Variants in KIAA0232 observed in about 807,000 individuals in gnomAD.
The protein encoded by KIAA0232 is uncharacterized protein KIAA0232.
KIAA0232 carries 27 observed loss-of-function variants against 122.0 expected under a neutral mutation model. That is an observed-to-expected ratio of 0.22 (90% confidence interval 0.16 to 0.31). The LOEUF (loss-of-function observed/expected upper bound fraction) is 0.31. Ranked by LOEUF, KIAA0232 falls within the 10% of genes least tolerant of loss-of-function variation. The pLI is 1.00. For missense variants in KIAA0232, 1,551 were observed against 1,634.2 expected (o/e 0.95, Z 0.88); for synonymous variants, 613 against 587.6 (o/e 1.04, Z -0.63).
chr4:6,879,712 G>A (rs1721951162), intron 9 of KIAA0232, among the ~76,000 whole-genome samples: 1 of 151,230 alleles, frequency 6.6e-6, no homozygotes, highest in African/African-American at 2.4e-5. Flanking sequence ...ACCATCTGGT[G>A]TAGGGGAGAC....
intron 1 of KIAA0232, among the ~76,000 whole-genome samples, chr4:6,794,760 G>C (rs1398354934): frequency 6.6e-6 from 1 of 152,182 alleles, no homozygotes; most frequent in African/African-American, 2.4e-5. Flanking sequence ...CGAGATGTGG[G>C]ATGTGCGAGG....
intron 2 of KIAA0232, among the ~76,000 whole-genome samples, chr4:6,819,642 A>C (rs1314291498): frequency 1.3e-5 from 2 of 152,194 alleles, no homozygotes; most frequent in African/African-American, 4.8e-5. Flanking sequence ...ACACTCATGC[A>C]CTGTTGGTGG....
At chr4:6,860,453 G>A (rs1720793778) in intron 6 of KIAA0232, among the ~76,000 whole-genome samples, 1 of 152,164 alleles carries the variant, frequency 6.6e-6, no homozygotes, top group African/African-American at 2.4e-5. Context: ...ACTTTGGGAG[G>A]TAAGTCATAG....
chr4:6,824,720 TTGTATC>T, intron 3 of KIAA0232, 36 bp downstream of exon 3: 3 of 1,547,286 alleles, frequency 1.9e-6, no homozygotes, highest in Non-Finnish European at 2.7e-6. Flanking sequence ...TGAAAACTGA[TTGTATC>T]TGTATGTATA....
In KIAA0232 at chr4:6,876,735, A is replaced by G; in HGVS notation, c.3986A>G (p.Glu1329Gly). The G allele has an allele frequency of 6.2e-7, 1 of 1,611,788 alleles. No individual in the cohort carries two copies. Among genetic ancestry groups the G allele is most frequent in the Non-Finnish European group, 8.5e-7 (1 of 1,177,908 alleles). ...PDAKETPSNEERLLDFNRVSS... is the reference protein window; with the variant it reads ...PDAKETPSNEGRLLDFNRVSS... ...GCTAAAGAGACACCCAGTAATGAAGAGCGCCTGTTAGATTTTAATAGGGTA... is the reference window on the plus strand; with the variant it reads ...GCTAAAGAGACACCCAGTAATGAAGGGCGCCTGTTAGATTTTAATAGGGTA... The change falls in exon 9 of 10, where the codon GAG becomes GGG. Residue 1329 changes from glutamate (E) to glycine (G), a missense_variant. By Grantham distance (98) the Glu-to-Gly change is moderately conservative. Coordinates refer to ENST00000307659, the MANE Select transcript of KIAA0232 (RefSeq NM_014743.3).
At chr4:6,869,835 A>G (rs1721376665) in intron 7 of KIAA0232, among the ~76,000 whole-genome samples, 1 of 152,256 alleles carries the variant, frequency 6.6e-6, no homozygotes, top group South Asian at 2.1e-4. Context: ...TAGGAAACTG[A>G]TGAAAAATTT....
chr4:6,808,189 G>A (rs374095374), intron 2 of KIAA0232, among the ~76,000 whole-genome samples: 88 of 152,154 alleles, frequency 5.8e-4, no homozygotes, highest in Middle Eastern at 3.4e-3. Context: ...AAAAGTAATA[G>A]AGTCCAAAAG....
rs545710120 is a variant in KIAA0232 at position 6,792,239 on chromosome 4, C to T, written c.-354+9398C>T. 9.2e-5 allele frequency among the ~76,000 whole-genome samples: 14 copies of T among 152,180 alleles called. No homozygotes were observed. The South Asian group carries it at 1.5e-3, about 16-fold the overall frequency. ...CTTTTTTTAATATGCCTAGTATTAC[C>T]TTGTGTGAAGGTGCCTGAATTTATT... On this transcript the variant is annotated intron_variant, in intron 1 of 9. Coordinates refer to ENST00000307659, the MANE Select transcript of KIAA0232 (RefSeq NM_014743.3).
intron 2 of KIAA0232, among the ~76,000 whole-genome samples, chr4:6,806,758 A>G (rs1023182447): frequency 6.6e-6 from 1 of 151,236 alleles, no homozygotes; most frequent in Admixed American, 6.6e-5. Flanking sequence ...AAAAAAAAAA[A>G]AAAAAGAATT....
At chr4:6,828,250 T>C (rs1032314803) in intron 3 of KIAA0232, among the ~76,000 whole-genome samples, 1 of 152,212 alleles carries the variant, frequency 6.6e-6, no homozygotes, top group African/African-American at 2.4e-5. Flanking sequence ...GGGGTTTACC[T>C]GTAGTCCCAG....
intron 7 of KIAA0232, among the ~76,000 whole-genome samples, chr4:6,865,116 G>A (rs1721101115): frequency 6.6e-6 from 1 of 152,178 alleles, no homozygotes; most frequent in South Asian, 2.1e-4. Context: ...GTTAATGAGA[G>A]TCATTGTACC....
At chr4:6,796,107 A>G (rs1050791369) in intron 1 of KIAA0232, among the ~76,000 whole-genome samples, 1 of 152,208 alleles carries the variant, frequency 6.6e-6, no homozygotes, top group Non-Finnish European at 1.5e-5. Flanking sequence ...AAATTTGATT[A>G]GAACTTGAGT....
chr4:6,865,610 G>GA, intron 7 of KIAA0232, among the ~76,000 whole-genome samples: 1 of 152,014 alleles, frequency 6.6e-6, no homozygotes. Flanking sequence ...CCAGCTTATT[G>GA]AAAAAAAGAG....
At chr4:6,844,213 T>C (rs534836854) in intron 4 of KIAA0232, among the ~76,000 whole-genome samples, 4 of 152,058 alleles carry the variant, frequency 2.6e-5, no homozygotes, top group Non-Finnish European at 5.9e-5. Flanking sequence ...GTGCTGGGAT[T>C]ACAGGCGTGA....
rs533374047 is a variant in KIAA0232 at position 6,807,961 on chromosome 4, G to A, written c.-270+3355G>A. 4.1e-4 allele frequency among the ~76,000 whole-genome samples: 63 copies of A among 152,264 alleles called. 3 individuals are homozygous for A. The South Asian group carries it at 0.013, about 32-fold the overall frequency. ...TGTGCACCTGTAGTCCCAGCTACTCGGGTGGCTGAGGCAGGAGAATCCCTT... is the reference window on the plus strand; with the variant it reads ...TGTGCACCTGTAGTCCCAGCTACTCAGGTGGCTGAGGCAGGAGAATCCCTT... On this transcript the variant is annotated intron_variant, in intron 2 of 9. Transcript: ENST00000307659.
At chr4:6,807,709 T>G (rs777981698) in intron 2 of KIAA0232, among the ~76,000 whole-genome samples, 9 of 152,216 alleles carry the variant, frequency 5.9e-5, no homozygotes, top group Non-Finnish European at 1.0e-4. Context: ...TAGATTGGCT[T>G]TGGAGCCAGG....
intron 3 of KIAA0232, among the ~76,000 whole-genome samples, chr4:6,833,784 C>T (rs1719120257): frequency 6.6e-6 from 1 of 152,096 alleles, no homozygotes; most frequent in African/African-American, 2.4e-5. Flanking sequence ...CTGGATAATT[C>T]ATGAAGAATT....
chr4:6,820,459 A>G lies in KIAA0232; in HGVS notation c.-269-3726A>G, dbSNP rs1374938467. Among the ~76,000 whole-genome samples the G allele has an allele frequency of 2.6e-5, 4 of 152,262 alleles. No individual in the cohort carries two copies. The Middle Eastern group carries it at 0.01, about 388-fold the overall frequency. ...GTGTTGCTGTTTTAAAATTCAGTGTATCTCTGCCTTTTAATTGATGTGTTT... is the reference window on the plus strand; with the variant it reads ...GTGTTGCTGTTTTAAAATTCAGTGTGTCTCTGCCTTTTAATTGATGTGTTT... On this transcript the variant is annotated intron_variant, in intron 2 of 9. Transcript: ENST00000307659.
At chr4:6,829,341 C>T (rs1474042236) in intron 3 of KIAA0232, among the ~76,000 whole-genome samples, 3 of 152,116 alleles carry the variant, frequency 2.0e-5, no homozygotes, top group Admixed American at 6.6e-5. Flanking sequence ...AATGAATAAG[C>T]GATCTGTGCA....
Sources: allele counts gnomAD v4.1 joint callset (sites outside exome capture counted in the v4.1 genomes callset), GRCh38; gene constraint gnomAD v4.1.1; transcripts MANE v1.5; gene names NCBI Gene and HGNC (gene_info 2026-07-23, HGNC 2026-07-21).